Variants in CPE observed in about 807,000 individuals in gnomAD.
CPE encodes the protein carboxypeptidase E, also known as carbocypeptidase E.
Under a neutral mutation model 53.5 loss-of-function variants are expected in CPE, and 17 were observed. The observed-to-expected ratio is 0.32, with a 90% CI of 0.22 to 0.48. The LOEUF (loss-of-function observed/expected upper bound fraction) is 0.48. Ranked by LOEUF, CPE falls within the 20% of genes least tolerant of loss-of-function variation. The pLI is 0.99. For synonymous variants in CPE, 226 were observed against 228.8 expected (o/e 0.99, Z 0.11); for missense variants, 524 against 614.7 (o/e 0.85, Z 1.56).
In CPE at chr4:165,484,452, A is replaced by C. The variant is rs1417760216; in HGVS notation, c.821A>C (p.Asp274Ala). The C allele has an allele frequency of 6.2e-7, 1 of 1,613,926 alleles. No homozygotes were observed. Among genetic ancestry groups the C allele is most frequent in the Non-Finnish European group, 8.5e-7 (1 of 1,179,966 alleles). The change falls in exon 5 of 9, where the codon GAT becomes GCT. Residue 274 changes from aspartate (D) to alanine (A), a missense_variant. Asp to Ala is a moderately radical substitution (Grantham distance 126). Coordinates refer to ENST00000402744, the MANE Select transcript of CPE (RefSeq NM_001873.4). ...GCTCACGAATACAGCTCCTCCCCAG[A>C]TGACGCCATTTTCCAAAGCTTGGCC... is the stretch of plus-strand genomic sequence containing the variant. ...GSAHEYSSSP[D>A]DAIFQSLARA...
At chr4:165,417,740 G>C (rs10027722) in intron 1 of CPE, among the ~76,000 whole-genome samples, 45,564 of 149,370 alleles carry the variant, frequency 0.31, 7,016 homozygotes, top group Middle Eastern at 0.42. Context: ...CTTAAGTTCA[G>C]TTCCTTTTAT....
At chr4:165,384,810 AG>A (rs918259747) in intron 1 of CPE, among the ~76,000 whole-genome samples, 3 of 152,198 alleles carry the variant, frequency 2.0e-5, no homozygotes, top group Non-Finnish European at 4.4e-5. Flanking sequence ...GGAGCTCTTC[AG>A]GGGTAGGGAA....
intron 1 of CPE, among the ~76,000 whole-genome samples, chr4:165,417,751 T>C (rs2126671743): frequency 6.6e-6 from 1 of 151,156 alleles, no homozygotes; most frequent in East Asian, 2.0e-4. Flanking sequence ...TTCCTTTTAT[T>C]ACAACTTTAA....
intron 1 of CPE, among the ~76,000 whole-genome samples, chr4:165,383,444 C>T (rs574637582): frequency 4.6e-5 from 7 of 152,284 alleles, no homozygotes; most frequent in African/African-American, 1.2e-4. Context: ...CCAGACCACT[C>T]GACCCGGAGT....
intron 1 of CPE, among the ~76,000 whole-genome samples, chr4:165,425,147 A>C (rs1264619660): frequency 6.6e-6 from 1 of 152,020 alleles, no homozygotes; most frequent in Non-Finnish European, 1.5e-5. Flanking sequence ...CAAAGTGCTG[A>C]GATTACCAGT....
intron 1 of CPE, among the ~76,000 whole-genome samples, chr4:165,446,643 C>T (rs187444954): frequency 6.6e-5 from 10 of 152,232 alleles, no homozygotes; most frequent in African/African-American, 1.9e-4. Flanking sequence ...CCACTGCGCC[C>T]GGCCTAGAGT....
At chr4:165,462,074 G>A (rs1328685625) in intron 1 of CPE, among the ~76,000 whole-genome samples, 1 of 152,154 alleles carries the variant, frequency 6.6e-6, no homozygotes, top group Non-Finnish European at 1.5e-5. Context: ...TAGATATATT[G>A]GGGGAGATTT....
chr4:165,442,038 TTTTTTTTTG>T (rs1560883485), intron 1 of CPE, among the ~76,000 whole-genome samples: 1,432 of 106,804 alleles, frequency 0.013, 112 homozygotes, highest in African/African-American at 0.038. Context: ...TTTTTTTTGT[TTTTTTTTTG>T]TTTTTTTTTT....
At chr4:165,404,023 A>C in intron 1 of CPE, 1 of 814,046 alleles carries the variant, frequency 1.2e-6, no homozygotes, top group Non-Finnish European at 2.1e-6. Context: ...CACTGCCGGC[A>C]GCTGGGGTTA....
intron 1 of CPE, among the ~76,000 whole-genome samples, chr4:165,410,095 A>G (rs1731012737): frequency 6.6e-6 from 1 of 152,002 alleles, no homozygotes; most frequent in Admixed American, 6.6e-5. Flanking sequence ...CTAAAAATAC[A>G]AAAATTAGCT....
At chr4:165,483,259 A>C (rs1454756317) in intron 4 of CPE, among the ~76,000 whole-genome samples, 1 of 152,102 alleles carries the variant, frequency 6.6e-6, no homozygotes, top group Admixed American at 6.5e-5. Context: ...TTGATTTCTG[A>C]ATTATTTCGC....
chr4:165,440,694 G>A (rs1447547039), intron 1 of CPE, among the ~76,000 whole-genome samples: 1 of 152,072 alleles, frequency 6.6e-6, no homozygotes, highest in East Asian at 1.9e-4. Context: ...AGAATTCCAA[G>A]GAGTGAGTCA....
At chr4:165,425,581 A>G (rs13102659) in intron 1 of CPE, among the ~76,000 whole-genome samples, 44,896 of 151,996 alleles carry the variant, frequency 0.3, 6,708 homozygotes, top group Middle Eastern at 0.39. Context: ...TATTTTGGCA[A>G]ATTTACTAGA....
intron 3 of CPE, among the ~76,000 whole-genome samples, chr4:165,477,399 T>G (rs1401641279): frequency 6.6e-6 from 1 of 152,268 alleles, no homozygotes; most frequent in Non-Finnish European, 1.5e-5. Context: ...TAAGCAAGAT[T>G]TGTTTACTTT....
At chr4:165,396,052 T>C (rs1730762374) in intron 1 of CPE, among the ~76,000 whole-genome samples, 1 of 152,100 alleles carries the variant, frequency 6.6e-6, no homozygotes, top group South Asian at 2.1e-4. Flanking sequence ...TTTTCCTCCC[T>C]CCTCTAAAGG....
At chr4:165,486,062 G>A (rs1732499779) in intron 5 of CPE, among the ~76,000 whole-genome samples, 1 of 152,202 alleles carries the variant, frequency 6.6e-6, no homozygotes, top group Non-Finnish European at 1.5e-5. Context: ...CCCCTTGAGA[G>A]AAAGGGACCA....
At chr4:165,436,215 C>T (rs980194753) in intron 1 of CPE, among the ~76,000 whole-genome samples, 3 of 149,088 alleles carry the variant, frequency 2.0e-5, no homozygotes, top group Non-Finnish European at 3.0e-5. Context: ...CACACACACA[C>T]GTGTGCACAG....
chr4:165,490,754 G>T (rs550650572), intron 6 of CPE, among the ~76,000 whole-genome samples: 1 of 151,788 alleles, frequency 6.6e-6, no homozygotes, highest in Non-Finnish European at 1.5e-5. Flanking sequence ...GGGCAGGACC[G>T]AAGTATCTTC....
intron 1 of CPE, among the ~76,000 whole-genome samples, chr4:165,400,273 T>C (rs944824132): frequency 1.3e-5 from 2 of 152,162 alleles, no homozygotes; most frequent in Admixed American, 1.3e-4. Flanking sequence ...ATCACTTGCA[T>C]GACTGGTGAG....
Sources: gnomAD v4.1 joint callset for allele counts (sites outside exome capture counted in the v4.1 genomes callset) on GRCh38, gnomAD v4.1.1 for gene constraint, MANE v1.5 for transcripts, NCBI Gene and HGNC (gene_info 2026-07-23, HGNC 2026-07-21) for gene names.